Variants in ARNT2 observed in about 807,000 individuals in gnomAD.
ARNT2 encodes the protein aryl hydrocarbon receptor nuclear translocator 2, also known as ARNT protein 2.
Under a neutral mutation model 91.7 loss-of-function variants are expected in ARNT2, and 36 were observed. That is an observed-to-expected ratio of 0.39 (90% CI 0.30 to 0.52). The LOEUF (loss-of-function observed/expected upper bound fraction) is 0.52. Ranked by LOEUF, ARNT2 falls within the 20% of genes least tolerant of loss-of-function variation. The probability of loss-of-function intolerance (pLI) is 0.72; values close to 1 mark genes in which losing one functional copy is unlikely to be tolerated. For synonymous variants in ARNT2, 365 were observed against 347.1 expected (o/e 1.05, Z -0.57); for missense variants, 775 against 939.3 (o/e 0.83, Z 2.29).
intron 11 of ARNT2, among the ~76,000 whole-genome samples, chr15:80,559,441 C>T (rs1029750715): frequency 8.5e-5 from 13 of 152,202 alleles, no homozygotes; most frequent in Admixed American, 3.9e-4. Context: ...CTTTGGTCTC[C>T]GGCCACTGAC....
chr15:80,545,330 G>C (rs1255038192), intron 8 of ARNT2, among the ~76,000 whole-genome samples: 1 of 152,146 alleles, frequency 6.6e-6, no homozygotes, highest in African/African-American at 2.4e-5. Context: ...ATTCCTGAGG[G>C]GCAAGAAACT....
intron 10 of ARNT2, 54 bp downstream of exon 10, chr15:80,552,828 A>C: frequency 5.0e-6 from 8 of 1,586,450 alleles, no homozygotes; most frequent in Non-Finnish European, 5.2e-6. Context: ...AATTGTTTTT[A>C]AAACATTCTT....
rs59993898 is a variant in ARNT2 at position 80,534,133 on chromosome 15, A to G, written c.878-17066A>G. On this transcript the variant is annotated intron_variant, in intron 8 of 18. Transcript: ENST00000303329. The stretch of plus-strand genomic sequence containing the variant: ...CAACTCTGCCAAATGTTTTAGAATT[A>G]AACTCCTACCATCATCAGGCATGTT... Among the ~76,000 whole-genome samples the G allele has an allele frequency of 6.0e-4, 92 of 152,322 alleles. 2 individuals carry two copies. In the East Asian group the frequency reaches 0.016, roughly 27 times the overall value.
At chr15:80,430,882 A>G (rs919708069) in intron 1 of ARNT2, among the ~76,000 whole-genome samples, 1 of 151,916 alleles carries the variant, frequency 6.6e-6, no homozygotes, top group Non-Finnish European at 1.5e-5. Flanking sequence ...CCCTTAGTGG[A>G]CTAACCTATG....
At chr15:80,586,367 G>A (rs998331575) in intron 17 of ARNT2, among the ~76,000 whole-genome samples, 1 of 152,150 alleles carries the variant, frequency 6.6e-6, no homozygotes, top group Non-Finnish European at 1.5e-5. Flanking sequence ...GGTCTCTAAA[G>A]CAATTCATCC....
intron 8 of ARNT2, 104 bp from the exon 9 acceptor site, chr15:80,551,095 A>G (rs1596008826): frequency 8.9e-7 from 1 of 1,127,822 alleles, no homozygotes; most frequent in Non-Finnish European, 1.3e-6. Context: ...TGCATGGCCA[A>G]CACTCACTGT....
chr15:80,453,869 G>T (rs1896442094), intron 2 of ARNT2, among the ~76,000 whole-genome samples: 1 of 152,190 alleles, frequency 6.6e-6, no homozygotes, highest in Non-Finnish European at 1.5e-5. Context: ...CCCATTCCTT[G>T]CCTAGGTCTT....
chr15:80,501,122 A>T (rs939499713), intron 5 of ARNT2, among the ~76,000 whole-genome samples: 4 of 152,202 alleles, frequency 2.6e-5, no homozygotes, highest in Non-Finnish European at 5.9e-5. Flanking sequence ...TCCTTATTTG[A>T]TGCAGGAATG....
In ARNT2 at chr15:80,429,515, T is replaced by G. The variant is rs556855098; in HGVS notation, c.32-21365T>G. ...ATCGCCTGCCCTGTGCATGTCTTCA[T>G]TTGGCTGTTCCTGCATTGTATTTCT... On this transcript the variant is annotated intron_variant, in intron 1 of 18. Transcript: ENST00000303329. Among the ~76,000 whole-genome samples, 5 of 152,324 alleles carry G rather than the reference T, an allele frequency of 3.3e-5. No individual in the cohort carries two copies. The South Asian group carries it at 1.0e-3, about 32-fold the overall frequency.
At chr15:80,443,124 C>T (rs1022190847) in intron 1 of ARNT2, 1 of 710,374 alleles carries the variant, frequency 1.4e-6, no homozygotes, top group Admixed American at 6.3e-5. Flanking sequence ...TGAGCAAAAT[C>T]TAAATGACTG....
chr15:80,549,270 G>A (rs1203048851), intron 8 of ARNT2, among the ~76,000 whole-genome samples: 3 of 152,100 alleles, frequency 2.0e-5, no homozygotes, highest in Non-Finnish European at 4.4e-5. Flanking sequence ...AACCATAAAA[G>A]TATCAGAGGA....
At chr15:80,574,050 C>A in intron 12 of ARNT2, 98 bp from the exon 13 acceptor site, 6 of 912,866 alleles carry the variant, frequency 6.6e-6, no homozygotes, top group Non-Finnish European at 9.1e-6. Context: ...CATCGGATAT[C>A]ACCCACTCTG....
chr15:80,544,618 GCTTC>G (rs1897962193), intron 8 of ARNT2, among the ~76,000 whole-genome samples: 3 of 152,146 alleles, frequency 2.0e-5, no homozygotes, highest in Non-Finnish European at 2.9e-5. Context: ...CTCACACCTT[GCTTC>G]CTGAATGCAC....
chr15:80,551,514 T>C (rs1363085565), intron 9 of ARNT2, among the ~76,000 whole-genome samples: 2 of 152,216 alleles, frequency 1.3e-5, no homozygotes, highest in African/African-American at 4.8e-5. Flanking sequence ...ATGCTTGTGC[T>C]GGTTGCCACA....
intron 17 of ARNT2, among the ~76,000 whole-genome samples, chr15:80,589,378 C>T (rs1893232711): frequency 6.6e-6 from 1 of 151,962 alleles, no homozygotes; most frequent in South Asian, 2.1e-4. Flanking sequence ...ATGTTGATGG[C>T]AAAGGGAAGG....
chr15:80,508,057 C>A, intron 5 of ARNT2, 99 bp from the exon 6 acceptor site: 2 of 1,134,064 alleles, frequency 1.8e-6, no homozygotes, highest in Non-Finnish European at 2.6e-6. Context: ...CACTTGTCCT[C>A]ATTTGGCAGA....
At chr15:80,540,533 C>A (rs946789290) in intron 8 of ARNT2, among the ~76,000 whole-genome samples, 1 of 152,064 alleles carries the variant, frequency 6.6e-6, no homozygotes, top group African/African-American at 2.4e-5. Flanking sequence ...AGTAGGTACA[C>A]GTGCAGGTTT....
At chr15:80,435,463 G>A (rs1896072551) in intron 1 of ARNT2, among the ~76,000 whole-genome samples, 1 of 152,096 alleles carries the variant, frequency 6.6e-6, no homozygotes. Context: ...CTTTGAACTG[G>A]CTTCCTTTCA....
At chr15:80,479,119 G>T (rs901312661) in intron 5 of ARNT2, among the ~76,000 whole-genome samples, 1 of 152,174 alleles carries the variant, frequency 6.6e-6, no homozygotes, top group African/African-American at 2.4e-5. Context: ...GACCTGCAGG[G>T]TCACCTGTAC....
Sources: gnomAD v4.1 joint callset for allele counts (sites outside exome capture counted in the v4.1 genomes callset) on GRCh38, gnomAD v4.1.1 for gene constraint, MANE v1.5 for transcripts, NCBI Gene and HGNC (gene_info 2026-07-23, HGNC 2026-07-21) for gene names.